Variants in SYNJ2 observed in about 807,000 individuals in gnomAD.
SYNJ2 encodes synaptojanin 2.
SYNJ2 carries 116 observed loss-of-function variants against 141.3 expected under a neutral mutation model. That is an observed-to-expected ratio of 0.82 (90% confidence interval 0.71 to 0.96). The LOEUF (loss-of-function observed/expected upper bound fraction) is 0.96, where lower values mean the gene tolerates loss of function less well. Ranked by LOEUF, SYNJ2 falls within the 40% of genes least tolerant of loss-of-function variation. The pLI, the probability that SYNJ2 is intolerant of heterozygous loss-of-function variation, is 0.00. For missense variants in SYNJ2, 1,873 were observed against 1,934.8 expected (o/e 0.97, Z 0.60); for synonymous variants, 745 against 777.7 (o/e 0.96, Z 0.70).
At chr6:158,064,461 ACTC>A in intron 9 of SYNJ2, 137 bp from the exon 10 acceptor site, 1 of 1,047,816 alleles carries the variant, frequency 9.5e-7, no homozygotes, top group Non-Finnish European at 1.4e-6. Flanking sequence ...TGCTGTGGGA[ACTC>A]CTCATCCTCT....
intron 3 of SYNJ2, among the ~76,000 whole-genome samples, chr6:158,031,216 A>AGG (rs1226284827): frequency 6.6e-6 from 1 of 152,206 alleles, no homozygotes; most frequent in Non-Finnish European, 1.5e-5. Context: ...ACTATTTTAA[A>AGG]CCAGAACTGT....
intron 5 of SYNJ2, among the ~76,000 whole-genome samples, chr6:158,045,859 C>T (rs1780211128): frequency 6.6e-6 from 1 of 152,204 alleles, no homozygotes; most frequent in Non-Finnish European, 1.5e-5. Flanking sequence ...CACGAGGTCT[C>T]AGCTTTTTGG....
intron 1 of SYNJ2, among the ~76,000 whole-genome samples, chr6:157,989,261 T>C (rs1288016107): frequency 1.3e-5 from 2 of 151,912 alleles, no homozygotes; most frequent in Non-Finnish European, 2.9e-5. Context: ...CTTACATTTA[T>C]TAACTTACTT....
Position 158,049,893 on chromosome 6 carries a change from C to CGGCTCTGCAGGTATGCATGT in SYNJ2, c.796-5054_796-5035dup, listed in dbSNP as rs1421810918. ...GGACATGGCTCTGCAGGTATGCCTGCGGCTCTGCAGGTATGCATGTGGCTC... is the reference window on the plus strand; with the variant it reads ...GGACATGGCTCTGCAGGTATGCCTGCGGCTCTGCAGGTATGCATGTGGCTCTGCAGGTATGCATGTGGCTC... On this transcript the variant is annotated intron_variant, in intron 5 of 26. Transcript: ENST00000355585. Among the ~76,000 whole-genome samples, 9 of 149,800 alleles carry CGGCTCTGCAGGTATGCATGT rather than the reference C, an allele frequency of 6.0e-5. No homozygotes were observed. The South Asian group carries it at 1.5e-3, about 25-fold the overall frequency.
intron 6 of SYNJ2, among the ~76,000 whole-genome samples, chr6:158,057,512 G>C (rs9364777): frequency 1.3e-5 from 2 of 152,356 alleles, no homozygotes; most frequent in East Asian, 3.9e-4. Context: ...CGCAGGAGGG[G>C]AAGTAGCCCT....
At chr6:158,024,086 C>T (rs1195208921) in intron 2 of SYNJ2, among the ~76,000 whole-genome samples, 2 of 152,162 alleles carry the variant, frequency 1.3e-5, no homozygotes, top group Non-Finnish European at 2.9e-5. Context: ...TTATTCATCT[C>T]ATTAAGAGAT....
chr6:158,062,323 A>G (rs1404235153), intron 8 of SYNJ2, 159 bp downstream of exon 8: 1 of 827,812 alleles, frequency 1.2e-6, no homozygotes, highest in Non-Finnish European at 1.5e-6. Flanking sequence ...TTCCCTCCCC[A>G]CTCAGTTACC....
At position 158,027,123 on chromosome 6, in the gene SYNJ2, C is replaced by CGCCA. The variant is rs1779089372; in HGVS notation, c.215-1632_215-1629dup. 3 of 985,370 alleles carry CGCCA rather than the reference C, an allele frequency of 3.0e-6. No individual in the cohort carries two copies. The highest frequency in any genetic ancestry group is 3.6e-6 in the Non-Finnish European group (3 of 829,938). The allele number at this position is 985,370 out of a possible 1,614,324, so 61.0% of individuals were successfully genotyped here. A position where few individuals can be genotyped will look rare whatever the true frequency, so the allele number is the denominator to read the frequency against. On this transcript the variant is annotated intron_variant, in intron 2 of 26. Transcript: ENST00000355585. The surrounding 1 kb of genome is among the most constrained non-coding windows in gnomAD (Gnocchi z 4.6). Reference sequence around the variant, plus strand: ...GGAACGCACTTTAATGACAGCCACACGCCACCCTGCCACAAGCAGCGCTCT... The same window carrying CGCCA: ...GGAACGCACTTTAATGACAGCCACACGCCAGCCACCCTGCCACAAGCAGCGCTCT...
rs1258959156 is a variant in SYNJ2, at chr6:158,071,619, C to T, written c.1958C>T (p.Thr653Ile). The T allele has an allele frequency of 6.2e-7, 1 of 1,613,990 alleles. No homozygotes were observed. The highest frequency in any genetic ancestry group is 1.3e-5 in the African/African-American group (1 of 75,064). The change falls in exon 15 of 27, where the codon ACA (threonine) becomes ATA (isoleucine). Residue 653 changes from threonine (T) to isoleucine (I), a missense_variant. Transcript: ENST00000355585. This position sits in a 1 kb window ranked among gnomAD's most constrained non-coding sequence, Gnocchi z 4.3. ...TGTTCCAGGGACGTAGCCATCGACA[C>T]AGTGAAGACGGGCATGGGGGGCAAG... is the stretch of plus-strand genomic sequence containing the variant. ...VPFIRDVAID[T>I]VKTGMGGKAG... is the part of the protein sequence containing the mutation.
intron 1 of SYNJ2, chr6:158,001,818 C>T (rs755554827): frequency 4.6e-5 from 7 of 152,326 alleles, no homozygotes; most frequent in African/African-American, 7.2e-5. Flanking sequence ...TTTAAGACCT[C>T]GCTCCCGCAG....
chr6:158,066,374 A>T (rs1009012), intron 11 of SYNJ2, 70 bp from the exon 12 acceptor site: 545,488 of 1,560,846 alleles, frequency 0.35, 97,217 homozygotes, highest in South Asian at 0.42. Flanking sequence ...AGGCAGCCTC[A>T]TCTGTCTTTT....
At chr6:158,026,291 A>G (rs1358388582) in intron 2 of SYNJ2, among the ~76,000 whole-genome samples, 1 of 152,194 alleles carries the variant, frequency 6.6e-6, no homozygotes, top group Non-Finnish European at 1.5e-5. Flanking sequence ...AAACTTGCCC[A>G]GGCACTGTAG....
rs149231494 is a variant in SYNJ2, at chr6:158,063,813, A to T, written c.1150A>T (p.Met384Leu). 6.2e-7 allele frequency: 1 copy of T among 1,613,518 alleles called. No homozygotes were observed. Among genetic ancestry groups the T allele is most frequent in the Non-Finnish European group, 8.5e-7 (1 of 1,179,804 alleles). The change falls in exon 9 of 27, where the codon ATG (methionine) becomes TTG (leucine). Residue 384 changes from methionine (M) to leucine (L), a missense_variant. Coordinates refer to ENST00000355585, the MANE Select transcript of SYNJ2 (RefSeq NM_003898.4). ...SPRFQKGTLR[M>L]NCLDCLDRTN... ...AAGTTTTCAGAAAGGCACTTTGCGG[A>T]TGAACTGTCTTGACTGCCTGGACCG...
At chr6:158,060,783 C>T (rs1409078616) in intron 7 of SYNJ2, among the ~76,000 whole-genome samples, 1 of 152,224 alleles carries the variant, frequency 6.6e-6, no homozygotes, top group East Asian at 1.9e-4. Flanking sequence ...GTGGCCCCTC[C>T]CATCAGTGGG....
chr6:158,081,234 C>A lies in SYNJ2; in HGVS notation c.2693C>A (p.Ser898Ter). Residue 898 changes from serine to a stop codon, truncating the protein, a stop_gained, in exon 19 of 27, where the codon TCA (serine) becomes TAA (stop). Coordinates refer to ENST00000355585, the MANE Select transcript of SYNJ2 (RefSeq NM_003898.4). LOFTEE classifies it high-confidence loss of function. ...LDATVVVNLQSPTLEEKNEFP... is the reference protein window; with the variant it reads ...LDATVVVNLQ ...GCCACTGTTGTAGTAAACCTTCAAT[C>A]ACCGACCTTAGAAGAGAAAAACGAG... 1.2e-6 allele frequency: 2 copies of A among 1,614,178 alleles called. No homozygotes were observed.
chr6:158,081,222 T>G lies in SYNJ2; in HGVS notation c.2681T>G (p.Val894Gly). ...GGCCCCCTGGATGCCACTGTTGTAG[T>G]AAACCTTCAATCACCGACCTTAGAA... ...FQGPLDATVV[V>G]NLQSPTLEEK... Residue 894 changes from valine (V) to glycine (G), a missense_variant, in exon 19 of 27, where the codon GTA becomes GGA. Physicochemically the swap from Val to Gly is moderately radical, Grantham distance 109. Coordinates refer to ENST00000355585, the MANE Select transcript of SYNJ2 (RefSeq NM_003898.4). The G allele has an allele frequency of 6.2e-7, 1 of 1,613,996 alleles. No homozygotes were observed. Among genetic ancestry groups the G allele is most frequent in the East Asian group, 2.2e-5 (1 of 44,894 alleles).
chr6:158,083,667 C>T lies in SYNJ2; in HGVS notation c.3034+70C>T, dbSNP rs1467672602. 6.3e-6 allele frequency: 10 copies of T among 1,584,602 alleles called. 1 individual carries two copies. The Admixed American group carries it at 1.7e-4, about 27-fold the overall frequency. ...AACAGGCCTGAGCTTTTAAGGACAC[C>T]TTCTAAAGCCTCCCTTGCAGAAGTG... On this transcript the variant is annotated intron_variant, in intron 21 of 26. Coordinates refer to ENST00000355585, the MANE Select transcript of SYNJ2 (RefSeq NM_003898.4).
At chr6:158,030,246 G>C in intron 3 of SYNJ2, among the ~76,000 whole-genome samples, 1 of 152,236 alleles carries the variant, frequency 6.6e-6, no homozygotes, top group East Asian at 1.9e-4. Context: ...AGAAGCAAAA[G>C]TGAGGAAAGT....
intron 5 of SYNJ2, among the ~76,000 whole-genome samples, chr6:158,054,201 C>G (rs1351457083): frequency 6.7e-6 from 1 of 149,166 alleles, no homozygotes; most frequent in Non-Finnish European, 1.5e-5. Context: ...ATCCACTCAG[C>G]TATTCATCCA....
Sources: gnomAD v4.1 joint callset for allele counts (sites outside exome capture counted in the v4.1 genomes callset) on GRCh38, gnomAD v4.1.1 for gene constraint, Gnocchi (gnomAD v3.1) non-coding constraint, MANE v1.5 for transcripts, NCBI Gene and HGNC (gene_info 2026-07-23, HGNC 2026-07-21) for gene names.